Variants in RAB3C observed in about 807,000 individuals in gnomAD.
The protein encoded by RAB3C is RAB3C, member RAS oncogene family.
RAB3C carries 17 observed loss-of-function variants against 26.4 expected under a neutral mutation model. The observed-to-expected ratio is 0.64, with a 90% CI of 0.44 to 0.97. RAB3C has a LOEUF of 0.97. RAB3C is among the 50% of genes least tolerant of loss of function. RAB3C has a pLI of 0.00. For missense variants in RAB3C, 242 were observed against 281.9 expected, an observed-to-expected ratio of 0.86 and a Z score of 1.01; for synonymous variants, 91 against 95.9, an observed-to-expected ratio of 0.95 and a Z score of 0.30.
At position 58,698,377 on chromosome 5, in the gene RAB3C, C is replaced by T. The variant is rs564053020; in HGVS notation, c.253-27625C>T. On this transcript the variant is annotated intron_variant, in intron 2 of 4. Coordinates refer to ENST00000282878, the MANE Select transcript of RAB3C (RefSeq NM_138453.4). ...TTAACACTTTTTCCTTCATTTCAAC[C>T]TTGGTGAATCTGAAAATTTTGTGTC... is the stretch of plus-strand genomic sequence containing the variant. Among the ~76,000 whole-genome samples, 10 of 152,204 alleles carry T rather than the reference C, an allele frequency of 6.6e-5. No homozygotes were observed. In the South Asian group the frequency reaches 2.1e-3, roughly 32 times the overall value.
chr5:58,717,978 A>G (rs931866781), intron 2 of RAB3C, among the ~76,000 whole-genome samples: 2 of 152,110 alleles, frequency 1.3e-5, no homozygotes, highest in Non-Finnish European at 2.9e-5. Flanking sequence ...GGGCAATAGT[A>G]AAAGTCCCAT....
chr5:58,614,717 T>G (rs1285465268), intron 1 of RAB3C, among the ~76,000 whole-genome samples: 5 of 152,040 alleles, frequency 3.3e-5, no homozygotes, highest in Admixed American at 2.0e-4. Flanking sequence ...TTCACCTAAA[T>G]GCATACAGTC....
chr5:58,804,173 G>A (rs1742880691), intron 3 of RAB3C, among the ~76,000 whole-genome samples: 1 of 152,038 alleles, frequency 6.6e-6, no homozygotes. Flanking sequence ...CTGGTGGCAT[G>A]TCTTAAGATC....
chr5:58,657,661 A>C (rs1304422888), intron 2 of RAB3C, among the ~76,000 whole-genome samples: 2 of 152,168 alleles, frequency 1.3e-5, no homozygotes, highest in Non-Finnish European at 2.9e-5. Flanking sequence ...AATAGGCCTT[A>C]TATATAGGCT....
At chr5:58,820,855 T>C (rs1217287606) in intron 3 of RAB3C, among the ~76,000 whole-genome samples, 2 of 152,212 alleles carry the variant, frequency 1.3e-5, no homozygotes, top group Middle Eastern at 3.2e-3. Context: ...GAATGTTGTA[T>C]GTGCATAAAT....
At chr5:58,808,742 G>A (rs1336576058) in intron 3 of RAB3C, among the ~76,000 whole-genome samples, 1 of 152,124 alleles carries the variant, frequency 6.6e-6, no homozygotes, top group Non-Finnish European at 1.5e-5. Flanking sequence ...CTGCTACGTG[G>A]TGGATGCTCT....
intron 4 of RAB3C, among the ~76,000 whole-genome samples, chr5:58,832,193 G>C (rs1407271672): frequency 6.6e-6 from 1 of 152,172 alleles, no homozygotes; most frequent in Non-Finnish European, 1.5e-5. Context: ...GTGGCCAATA[G>C]GTGCATGGAT....
At chr5:58,605,672 A>T (rs1446661614) in intron 1 of RAB3C, among the ~76,000 whole-genome samples, 1 of 152,094 alleles carries the variant, frequency 6.6e-6, no homozygotes, top group African/African-American at 2.4e-5. Flanking sequence ...CCGAGGCAGG[A>T]GGATCTCTTG....
rs957099379 is a variant in RAB3C, at chr5:58,599,487, C to T, written c.24+16255C>T. ...CACTGTCATTCCTGTTCCAGCAGAC[C>T]TTGCTTACAATCCTCTCTCTGTGTT... is the stretch of plus-strand genomic sequence containing the variant. On this transcript the variant is annotated intron_variant, in intron 1 of 4. Transcript: ENST00000282878. Among the ~76,000 whole-genome samples, 5 of 152,044 alleles carry T rather than the reference C, an allele frequency of 3.3e-5. No homozygotes were observed. The East Asian group carries it at 9.7e-4, about 29-fold the overall frequency.
intron 3 of RAB3C, among the ~76,000 whole-genome samples, chr5:58,746,760 T>C (rs974638888): frequency 1.3e-5 from 2 of 152,236 alleles, no homozygotes; most frequent in African/African-American, 4.8e-5. Context: ...AAAGTTGTTT[T>C]GCAAATCAAA....
upstream of RAB3C, chr5:58,582,513 C>A: frequency 3.3e-6 from 2 of 600,822 alleles, no homozygotes; most frequent in Non-Finnish European, 4.2e-6. Flanking sequence ...TACGCGCGCG[C>A]GACTTCTCAG....
intron 2 of RAB3C, among the ~76,000 whole-genome samples, chr5:58,699,324 C>T (rs188407763): frequency 6.6e-6 from 1 of 152,308 alleles, no homozygotes; most frequent in African/African-American, 2.4e-5. Context: ...CTGCCTGATC[C>T]TTCCTCTGGA....
intron 2 of RAB3C, among the ~76,000 whole-genome samples, chr5:58,705,959 C>T (rs573562465): frequency 6.6e-6 from 1 of 152,262 alleles, no homozygotes; most frequent in East Asian, 1.9e-4. Context: ...TCCTAGTACC[C>T]TTGCAGTTCA....
At chr5:58,594,240 G>T (rs1214228707) in intron 1 of RAB3C, among the ~76,000 whole-genome samples, 1 of 152,178 alleles carries the variant, frequency 6.6e-6, no homozygotes, top group African/African-American at 2.4e-5. Context: ...CTGAAGAACA[G>T]ATATGTTTAC....
intron 2 of RAB3C, among the ~76,000 whole-genome samples, chr5:58,652,714 CAA>C (rs1260278827): frequency 3.3e-4 from 47 of 140,440 alleles, no homozygotes; most frequent in African/African-American, 1.0e-3. Flanking sequence ...AAAAAAAAAA[CAA>C]GAGAAAAGAT....
chr5:58,784,555 A>G (rs16877139), intron 3 of RAB3C, among the ~76,000 whole-genome samples: 2,652 of 152,238 alleles, frequency 0.017, 74 homozygotes, highest in African/African-American at 0.06. Context: ...CTCGGTTTAC[A>G]TGTATTGCTG....
chr5:58,656,650 T>G (rs1747777695), intron 2 of RAB3C, among the ~76,000 whole-genome samples: 1 of 152,128 alleles, frequency 6.6e-6, no homozygotes. Flanking sequence ...CTAGTAATAC[T>G]CTAAAAGATA....
chr5:58,799,463 T>C (rs546679631), intron 3 of RAB3C, among the ~76,000 whole-genome samples: 1 of 152,242 alleles, frequency 6.6e-6, no homozygotes, highest in South Asian at 2.1e-4. Flanking sequence ...AGAGCTGATA[T>C]TCAAGTCCAG....
intron 2 of RAB3C, among the ~76,000 whole-genome samples, chr5:58,702,060 C>T (rs982125113): frequency 6.6e-6 from 1 of 152,272 alleles, no homozygotes; most frequent in South Asian, 2.1e-4. Context: ...CTCATGACTT[C>T]CCAGGCCTCG....
Sources: allele counts gnomAD v4.1 joint callset (sites outside exome capture counted in the v4.1 genomes callset), GRCh38; gene constraint gnomAD v4.1.1; transcripts MANE v1.5; gene names NCBI Gene and HGNC (gene_info 2026-07-23, HGNC 2026-07-21).